KLHDC8B: variants seen among roughly 807,000 people sequenced by gnomAD.
KLHDC8B encodes kelch domain containing 8B.
Under a neutral mutation model 26.3 loss-of-function variants are expected in KLHDC8B, and 19 were observed. That is an observed-to-expected ratio of 0.72 (90% CI 0.50 to 1.06). KLHDC8B has a LOEUF of 1.06. KLHDC8B is among the 50% of genes least tolerant of loss of function. The pLI is 0.00. For missense variants in KLHDC8B, 411 were observed against 488.1 expected (o/e 0.84, Z 1.49); for synonymous variants, 150 against 188.4 (o/e 0.80, Z 1.67).
Position 49,175,055 on chromosome 3 carries a change from C to T in KLHDC8B, c.767-7C>T. The T allele has an allele frequency of 6.2e-7, 1 of 1,614,038 alleles. No homozygotes were observed. The highest frequency in any genetic ancestry group is 8.5e-7 in the Non-Finnish European group (1 of 1,179,944). The stretch of plus-strand genomic sequence containing the variant: ...CATGACTAGATCTGACCTCCCCTCT[C>T]CTGCAGGGTCCTGGACCAAATTGCC... On this transcript the variant is annotated splice_polypyrimidine_tract_variant and splice_region_variant and intron_variant, in intron 4 of 5. Coordinates refer to ENST00000332780, the MANE Select transcript of KLHDC8B (RefSeq NM_173546.3).
Position 49,174,969 on chromosome 3 carries a change from G to A in KLHDC8B, c.766+3G>A, listed in dbSNP as rs1282637457. The A allele has an allele frequency of 2.4e-5, 39 of 1,613,852 alleles. No individual in the cohort carries two copies. Among genetic ancestry groups the A allele is most frequent in the Non-Finnish European group, 3.1e-5 (37 of 1,180,038 alleles). On this transcript the variant is annotated splice_donor_region_variant and intron_variant, in intron 4 of 5. Transcript: ENST00000332780. ...GGAGATGTTTGACCTGGAGCATGGT[G>A]AGCAGTGGCTGTTCTGGGCTGTCCT...
At chr3:49,172,597 G>A (rs1358250147) in intron 1 of KLHDC8B, 39 bp from the exon 2 acceptor site, 3 of 637,986 alleles carry the variant, frequency 4.7e-6, no homozygotes, top group South Asian at 2.0e-5. Context: ...CTGAGGGGCC[G>A]GTCAGTGCCC....
chr3:49,172,838 T>C lies in KLHDC8B; in HGVS notation c.69T>C (p.Tyr23=), dbSNP rs1273634124. 2 of 1,613,928 alleles carry C rather than the reference T, an allele frequency of 1.2e-6. No individual in the cohort carries two copies. Among genetic ancestry groups the C allele is most frequent in the Non-Finnish European group, 1.7e-6 (2 of 1,180,024 alleles). ...VFPPMPTCRV[Y]GTVAHQDGHL... Reference sequence around the variant, plus strand: ...CCCCCATGCCCACTTGCCGGGTCTATGGCACAGTGGCACACCAAGATGGGC... The same window carrying C: ...CCCCCATGCCCACTTGCCGGGTCTACGGCACAGTGGCACACCAAGATGGGC... The change falls in exon 2 of 6, where the codon TAT becomes TAC. Residue 23 remains tyrosine (Y), a synonymous_variant. Transcript: ENST00000332780.
rs758979880 is a variant in KLHDC8B, at chr3:49,172,782, G to A, written c.13G>A (p.Gly5Ser). Residue 5 changes from glycine (G) to serine (S), a missense_variant, in exon 2 of 6, where the codon GGT becomes AGT. Transcript: ENST00000332780. MSAG[G>S]GRAFAWQVFP... ...GGCAGTGAACACCATGTCTGCAGGA[G>A]GTGGCCGGGCCTTTGCTTGGCAAGT... 6 of 1,612,768 alleles carry A rather than the reference G, an allele frequency of 3.7e-6. No individual in the cohort carries two copies. In the African/African-American group the frequency reaches 6.7e-5, roughly 18 times the overall value.
Position 49,173,152 on chromosome 3 carries a change from G to T in KLHDC8B, c.376+7G>T, listed in dbSNP as rs1157738204. The T allele has an allele frequency of 1.9e-6, 3 of 1,559,636 alleles. No individual in the cohort carries two copies. Among genetic ancestry groups the T allele is most frequent in the African/African-American group, 2.7e-5 (2 of 73,518 alleles). On this transcript the variant is annotated splice_region_variant and intron_variant, in intron 2 of 5. Coordinates refer to ENST00000332780, the MANE Select transcript of KLHDC8B (RefSeq NM_173546.3). ...GTTGCAACTGTGGAGAGAGGTGAGT[G>T]GCCTCCCAAGGAAGGCACTTCAGGT...
intron 4 of KLHDC8B, 37 bp from the exon 5 acceptor site, chr3:49,175,025 G>T (rs1225585661): frequency 3.7e-6 from 6 of 1,614,010 alleles, no homozygotes; most frequent in Non-Finnish European, 5.1e-6. Context: ...GGGGCATAGT[G>T]TGTACATGAC....
In KLHDC8B at chr3:49,176,129, T is replaced by C; in HGVS notation, c.*328T>C. The stretch of plus-strand genomic sequence containing the variant: ...TCATGCTCTTCAGGGTCAGTTCCTA[T>C]CTGGAGTTGACCAGGCCTACCCCAG... On this transcript the variant is annotated 3_prime_UTR_variant, in exon 6 of 6. Coordinates refer to ENST00000332780, the MANE Select transcript of KLHDC8B (RefSeq NM_173546.3). 3.4e-6 allele frequency: 1 copy of C among 293,470 alleles called. No individual in the cohort carries two copies. Among genetic ancestry groups the C allele is most frequent in the South Asian group, 5.3e-5 (1 of 18,748 alleles). 18.2% of individuals were successfully genotyped at this position (293,470 alleles called of 1,614,324 possible).
Position 49,174,952 on chromosome 3 carries a change from T to C in KLHDC8B, c.752T>C (p.Phe251Ser), listed in dbSNP as rs1342255173. The C allele has an allele frequency of 6.2e-7, 1 of 1,614,094 alleles. No homozygotes were observed. The highest frequency in any genetic ancestry group is 1.7e-5 in the Admixed American group (1 of 60,030). The change falls in exon 4 of 6, where the codon TTT (phenylalanine) becomes TCT (serine). Residue 251 changes from phenylalanine (F) to serine (S), a missense_variant. Transcript: ENST00000332780. ...CACTTTGTCAACACTGTGGAGATGT[T>C]TGACCTGGAGCATGGTGAGCAGTGG... ...RPHFVNTVEM[F>S]DLEHGSWTKL...
Position 49,175,604 on chromosome 3 carries a change from G to A in KLHDC8B, c.869-1G>A. On this transcript the variant is annotated splice_acceptor_variant, in intron 5 of 5. Transcript: ENST00000332780. LOFTEE classifies it high-confidence loss of function. ...CACAGCCTTCTCTCTCCTTCTTGCAGGAAACCAGCCATGTCCTTTGGGCTC... is the reference window on the plus strand; with the variant it reads ...CACAGCCTTCTCTCTCCTTCTTGCAAGAAACCAGCCATGTCCTTTGGGCTC... The A allele has an allele frequency of 1.3e-6, 2 of 1,539,926 alleles. No individual in the cohort carries two copies. Among genetic ancestry groups the A allele is most frequent in the Non-Finnish European group, 1.7e-6 (2 of 1,143,186 alleles).
Position 49,175,750 on chromosome 3 carries a change from C to G in KLHDC8B, c.1014C>G (p.Ala338=). The change falls in exon 6 of 6, where the codon GCC becomes GCG. Residue 338 remains alanine (A), a synonymous_variant. Coordinates refer to ENST00000332780, the MANE Select transcript of KLHDC8B (RefSeq NM_173546.3). The part of the protein sequence containing the change: ...GPRLFVIGGV[A]QGPSQAVEAL... Reference sequence around the variant, plus strand: ...GGCTGTTTGTTATTGGGGGTGTGGCCCAGGGCCCCAGTCAAGCCGTGGAGG... The same window carrying G: ...GGCTGTTTGTTATTGGGGGTGTGGCGCAGGGCCCCAGTCAAGCCGTGGAGG... 6.2e-7 allele frequency: 1 copy of G among 1,614,010 alleles called. No individual in the cohort carries two copies. Among genetic ancestry groups the G allele is most frequent in the Non-Finnish European group, 8.5e-7 (1 of 1,179,996 alleles).
intron 1 of KLHDC8B, 21 bp from the exon 2 acceptor site, chr3:49,172,613 CCT>C (rs2045777459): frequency 1.3e-5 from 9 of 696,028 alleles, no homozygotes; most frequent in Admixed American, 5.7e-5. Context: ...TGCCCTGACC[CCT>C]GTTTTCCCTC....
chr3:49,174,857 G>A lies in KLHDC8B; in HGVS notation c.657G>A (p.Met219Ile), dbSNP rs2045809049. ...GTCGGGCCTTTGCTGGCTGCGCCAT[G>A]GCTGAAGGCAGCGTCTTTAGCCTGG... ...PSRRAFAGCAMAEGSVFSLGG... is the reference protein window; with the variant it reads ...PSRRAFAGCAIAEGSVFSLGG... The change falls in exon 4 of 6, where the codon ATG becomes ATA. Residue 219 changes from methionine (M) to isoleucine (I), a missense_variant. By Grantham distance (10) the Met-to-Ile change is conservative. Transcript: ENST00000332780. 1.2e-6 allele frequency: 2 copies of A among 1,614,032 alleles called. No homozygotes were observed. The highest frequency in any genetic ancestry group is 8.5e-7 in the Non-Finnish European group (1 of 1,180,054).
chr3:49,175,678 C>G lies in KLHDC8B; in HGVS notation c.942C>G (p.Ala314=). The G allele has an allele frequency of 6.2e-7, 1 of 1,612,544 alleles. No individual in the cohort carries two copies. Among genetic ancestry groups the G allele is most frequent in the South Asian group, 1.1e-5 (1 of 90,914 alleles). Residue 314 remains alanine (A), a synonymous_variant, in exon 6 of 6, where the codon GCC becomes GCG. Coordinates refer to ENST00000332780, the MANE Select transcript of KLHDC8B (RefSeq NM_173546.3). ...GGCGGCGCTGGGAGGCATTGCCTGCCATGCCCACTGCCCGCTGCTCCTGCT... is the reference window on the plus strand; with the variant it reads ...GGCGGCGCTGGGAGGCATTGCCTGCGATGCCCACTGCCCGCTGCTCCTGCT... ...LARRRWEALP[A]MPTARCSCSS...
Position 49,173,126 on chromosome 3 carries a change from G to T in KLHDC8B, c.357G>T (p.Gly119=). Residue 119 remains glycine, a synonymous_variant, in exon 2 of 6, where the codon GGG becomes GGT. Coordinates refer to ENST00000332780, the MANE Select transcript of KLHDC8B (RefSeq NM_173546.3). ...CCACCCTCCCTCAAGCAGCCATGGG[G>T]GTTGCAACTGTGGAGAGAGGTGAGT... is the stretch of plus-strand genomic sequence containing the variant. ...RRATLPQAAM[G]VATVERDGMV... The T allele has an allele frequency of 1.3e-6, 2 of 1,572,990 alleles. No homozygotes were observed. Among genetic ancestry groups the T allele is most frequent in the East Asian group, 2.4e-5 (1 of 42,452 alleles).
Position 49,173,086 on chromosome 3 carries a change from G to T in KLHDC8B, c.317G>T (p.Arg106Leu), listed in dbSNP as rs139300054. The T allele has an allele frequency of 6.3e-7, 1 of 1,591,834 alleles. No individual in the cohort carries two copies. The highest frequency in any genetic ancestry group is 8.6e-7 in the Non-Finnish European group (1 of 1,169,394). The change falls in exon 2 of 6, where the codon CGC becomes CTC. Residue 106 changes from arginine to leucine, a missense_variant. Transcript: ENST00000332780. Reference protein sequence around the residue: ...AVEAFLMDEGRWERRATLPQA... With the variant: ...AVEAFLMDEGLWERRATLPQA... ...GAGGCCTTCCTGATGGATGAGGGCC[G>T]CTGGGAGCGTCGGGCCACCCTCCCT...
chr3:49,175,580 A>C, intron 5 of KLHDC8B, 25 bp from the exon 6 acceptor site: 1 of 1,523,650 alleles, frequency 6.6e-7, no homozygotes, highest in African/African-American at 1.4e-5. Context: ...TGTGCCTCTC[A>C]CAGCCTTCTC....
rs750559399 is a variant in KLHDC8B at position 49,174,378 on chromosome 3, G to A, written c.516G>A (p.Leu172=). 5 of 1,613,806 alleles carry A rather than the reference G, an allele frequency of 3.1e-6. No individual in the cohort carries two copies. In the South Asian group the frequency reaches 4.4e-5, roughly 14 times the overall value. Reference sequence around the variant, plus strand: ...CCTGCTATGGGGCCTCCACCTTCCTGCACGGGAACAAGATCTATGTCCTGG... The same window carrying A: ...CCTGCTATGGGGCCTCCACCTTCCTACACGGGAACAAGATCTATGTCCTGG... ...PTPCYGASTF[L]HGNKIYVLGG... is the part of the protein sequence containing the mutation. Residue 172 remains leucine, a synonymous_variant, in exon 3 of 6, where the codon CTG becomes CTA. Transcript: ENST00000332780.
rs373826807 is a variant in KLHDC8B, at chr3:49,174,226, C to A, written c.377-13C>A. On this transcript the variant is annotated splice_polypyrimidine_tract_variant and intron_variant, in intron 2 of 5. Transcript: ENST00000332780. The stretch of plus-strand genomic sequence containing the variant: ...AGGCTGAGGTACAATCTGAACTACT[C>A]TTTTCTATGCAGATGGTATGGTGTA... 10 of 1,596,694 alleles carry A rather than the reference C, an allele frequency of 6.3e-6. No individual in the cohort carries two copies. The South Asian group carries it at 1.0e-4, about 16-fold the overall frequency.
Position 49,176,153 on chromosome 3 carries a change from A to G in KLHDC8B, c.*352A>G, listed in dbSNP as rs778345610. 22 of 217,714 alleles carry G rather than the reference A, an allele frequency of 1.0e-4. No individual in the cohort carries two copies. The highest frequency in any genetic ancestry group is 4.4e-4 in the African/African-American group (19 of 43,452). 13.5% of individuals were successfully genotyped at this position (217,714 alleles called of 1,614,324 possible). A position where few individuals can be genotyped will look rare whatever the true frequency, so the allele number is the denominator to read the frequency against. On this transcript the variant is annotated 3_prime_UTR_variant, in exon 6 of 6. Transcript: ENST00000332780. ...ATCTGGAGTTGACCAGGCCTACCCC[A>G]GTTGCCATTCCTGAAAAATCTCAGC...
Sources: gnomAD v4.1 joint callset for allele counts on GRCh38, gnomAD v4.1.1 for gene constraint, MANE v1.5 for transcripts, NCBI Gene and HGNC (gene_info 2026-07-23, HGNC 2026-07-21) for gene names.